DOCK3: variants seen among roughly 807,000 people sequenced by gnomAD.
The protein encoded by DOCK3 is dedicator of cytokinesis protein 3.
Under a neutral mutation model 265.6 loss-of-function variants are expected in DOCK3, and 60 were observed. That is an observed-to-expected ratio of 0.23 (90% CI 0.18 to 0.28). The LOEUF is 0.28. DOCK3 is among the 10% of genes least tolerant of loss of function. The pLI, the probability that DOCK3 is intolerant of heterozygous loss-of-function variation, is 1.00. For synonymous variants in DOCK3, 881 were observed against 938.0 expected (o/e 0.94, Z 1.11); for missense variants, 1,981 against 2,594.3 (o/e 0.76, Z 5.14).
At chr3:50,803,744 G>C in intron 2 of DOCK3, among the ~76,000 whole-genome samples, 1 of 151,518 alleles carries the variant, frequency 6.6e-6, no homozygotes, top group African/African-American at 2.4e-5. Flanking sequence ...GCCGGGCGGG[G>C]GCTGCCCCCC....
intron 27 of DOCK3, among the ~76,000 whole-genome samples, chr3:51,288,896 G>A (rs1576665306): frequency 2.0e-5 from 3 of 148,716 alleles, no homozygotes; most frequent in East Asian, 1.9e-4. Context: ...GTGTGTGTGT[G>A]TGTGTGGGTG....
chr3:51,163,905 A>T (rs908045462), intron 12 of DOCK3, among the ~76,000 whole-genome samples: 2 of 152,060 alleles, frequency 1.3e-5, no homozygotes, highest in Admixed American at 6.6e-5. Flanking sequence ...TTATGAAAAA[A>T]TTTATTTAAA....
intron 5 of DOCK3, among the ~76,000 whole-genome samples, chr3:51,004,720 T>G (rs914180346): frequency 1.2e-4 from 18 of 150,804 alleles, no homozygotes; most frequent in African/African-American, 4.1e-4. Flanking sequence ...TTAAGTTTTT[T>G]TTTTTTTTTT....
chr3:50,985,260 A>G (rs1489578660), intron 5 of DOCK3, among the ~76,000 whole-genome samples: 1 of 152,204 alleles, frequency 6.6e-6, no homozygotes, highest in Non-Finnish European at 1.5e-5. Context: ...TTAAATTTTG[A>G]TTACTATTAA....
chr3:51,040,899 C>G (rs1456217185), intron 5 of DOCK3, among the ~76,000 whole-genome samples: 1 of 151,882 alleles, frequency 6.6e-6, no homozygotes, highest in Non-Finnish European at 1.5e-5. Flanking sequence ...TCAGGGTCCA[C>G]TTCTAATTAT....
intron 9 of DOCK3, among the ~76,000 whole-genome samples, chr3:51,140,994 T>C (rs1006789724): frequency 1.3e-5 from 2 of 152,148 alleles, no homozygotes; most frequent in African/African-American, 4.8e-5. Flanking sequence ...AAGTCCCTTA[T>C]CTGTATATGA....
At chr3:50,869,663 T>C (rs895123496) in intron 3 of DOCK3, among the ~76,000 whole-genome samples, 1 of 151,072 alleles carries the variant, frequency 6.6e-6, no homozygotes, top group Non-Finnish European at 1.5e-5. Flanking sequence ...TGAGCCACCA[T>C]GTGCGACCTG....
At chr3:51,072,123 C>T (rs1223090910) in intron 6 of DOCK3, among the ~76,000 whole-genome samples, 2 of 152,194 alleles carry the variant, frequency 1.3e-5, no homozygotes, top group Non-Finnish European at 2.9e-5. Flanking sequence ...AATATGAACA[C>T]TTGCATGACT....
chr3:50,779,322 C>G (rs1181844854), intron 2 of DOCK3, among the ~76,000 whole-genome samples: 2 of 152,124 alleles, frequency 1.3e-5, no homozygotes, highest in Non-Finnish European at 2.9e-5. Flanking sequence ...ATGTTTCCGT[C>G]TGATTGGCTG....
At chr3:51,074,837 A>G (rs548384863) in intron 6 of DOCK3, among the ~76,000 whole-genome samples, 1 of 152,326 alleles carries the variant, frequency 6.6e-6, no homozygotes, top group East Asian at 1.9e-4. Flanking sequence ...CATCCTGCAC[A>G]TGTACCCCAG....
At chr3:51,112,389 C>A (rs529952182) in intron 9 of DOCK3, among the ~76,000 whole-genome samples, 5 of 152,212 alleles carry the variant, frequency 3.3e-5, no homozygotes, top group African/African-American at 1.2e-4. Context: ...AATAGGCAAA[C>A]CTGAACTATA....
intron 5 of DOCK3, among the ~76,000 whole-genome samples, chr3:51,013,414 T>G (rs1004134542): frequency 2.0e-5 from 3 of 152,232 alleles, no homozygotes; most frequent in South Asian, 4.1e-4. Context: ...GTCCCTCAGC[T>G]GCAGGTCTGT....
In DOCK3 at chr3:51,381,319, G is replaced by C. The variant is rs1388389385; in HGVS notation, c.5853G>C (p.Gln1951His). 10 of 1,613,488 alleles carry C rather than the reference G, an allele frequency of 6.2e-6. No individual in the cohort carries two copies. The highest frequency in any genetic ancestry group is 7.6e-6 in the Non-Finnish European group (9 of 1,179,892). ...CCGTCCTGGACTCCATCAAGGCCCA[G>C]CCATGCCGAAGCCACTCAGCCCCAG... is the stretch of plus-strand genomic sequence containing the variant. Reference protein sequence around the residue: ...ESAVLDSIKAQPCRSHSAPGC... With the variant: ...ESAVLDSIKAHPCRSHSAPGC... The change falls in exon 53 of 53, where the codon CAG becomes CAC. Residue 1951 changes from glutamine (Q) to histidine (H), a missense_variant. Gln to His is a conservative substitution (Grantham distance 24, BLOSUM62 0). Transcript: ENST00000266037. This position sits in a 1 kb window ranked among gnomAD's most constrained non-coding sequence, Gnocchi z 5.6.
At position 51,246,750 on chromosome 3, in the gene DOCK3, G is replaced by A; in HGVS notation, c.2127G>A (p.Trp709Ter). The change falls in exon 22 of 53, where the codon TGG (tryptophan) becomes TGA (stop). Residue 709 changes from tryptophan (W) to a stop codon, truncating the protein, a stop_gained. Coordinates refer to ENST00000266037, the MANE Select transcript of DOCK3 (RefSeq NM_004947.5). LOFTEE classifies it high-confidence loss of function. ...AYKELIRCLK[W>*]YMDCSAELIR... The stretch of plus-strand genomic sequence containing the variant: ...GGGAGCTCATCCGCTGTTTGAAGTG[G>A]TATATGGACTGCTCAGCAGAACTGA... 6.2e-7 allele frequency: 1 copy of A among 1,613,474 alleles called. No homozygotes were observed. Among genetic ancestry groups the A allele is most frequent in the Non-Finnish European group, 8.5e-7 (1 of 1,179,696 alleles).
chr3:50,873,362 T>C (rs1460092180), intron 3 of DOCK3, among the ~76,000 whole-genome samples: 1 of 152,140 alleles, frequency 6.6e-6, no homozygotes, highest in Non-Finnish European at 1.5e-5. Flanking sequence ...GGGGACCTCA[T>C]GACCTCACGA....
intron 36 of DOCK3, 95 bp downstream of exon 36, chr3:51,338,514 A>G: frequency 1.4e-6 from 2 of 1,406,670 alleles, no homozygotes; most frequent in Non-Finnish European, 2.0e-6. Context: ...ACATGGCTGC[A>G]GGCCTAAGGG....
intron 1 of DOCK3, among the ~76,000 whole-genome samples, chr3:50,772,436 T>A (rs902778409): frequency 2.6e-5 from 4 of 152,196 alleles, no homozygotes; most frequent in Non-Finnish European, 5.9e-5. Context: ...ATTTTAAAAT[T>A]ACTTAAAGAG....
chr3:50,712,730 GTTAA>G (rs1360819070), intron 1 of DOCK3, among the ~76,000 whole-genome samples: 1 of 152,106 alleles, frequency 6.6e-6, no homozygotes, highest in Non-Finnish European at 1.5e-5. Context: ...TGACTCACTG[GTTAA>G]TTAGGAGTGT....
chr3:51,312,624 G>T, intron 30 of DOCK3, 48 bp downstream of exon 30: 1 of 1,498,604 alleles, frequency 6.7e-7, no homozygotes. Flanking sequence ...GGCCAAATAG[G>T]GCTATGTTTC....
Sources: allele counts gnomAD v4.1 joint callset (sites outside exome capture counted in the v4.1 genomes callset), GRCh38; gene constraint gnomAD v4.1.1; non-coding constraint Gnocchi (gnomAD v3.1); transcripts MANE v1.5; gene names NCBI Gene and HGNC (gene_info 2026-07-23, HGNC 2026-07-21).